The following LRRC4C variants were observed in gnomAD, a reference collection of about 807,000 sequenced individuals.
LRRC4C encodes leucine-rich repeat-containing protein 4C.
In LRRC4C, 5 loss-of-function variants were observed where a neutral mutation model predicts 33.6. That is an observed-to-expected ratio of 0.15 (90% CI 0.08 to 0.31). The LOEUF is 0.31. Among genes scored for constraint, LRRC4C ranks in the 10% least tolerant of loss-of-function variants. The pLI is 1.00. For synonymous variants in LRRC4C, 329 were observed against 302.0 expected, an observed-to-expected ratio of 1.09 and a Z score of -0.93; for missense variants, 560 against 796.7, an observed-to-expected ratio of 0.70 and a Z score of 3.58.
At chr11:40,636,000 C>T (rs1045769460) in intron 3 of LRRC4C, among the ~76,000 whole-genome samples, 1 of 152,058 alleles carries the variant, frequency 6.6e-6, no homozygotes, top group African/African-American at 2.4e-5. Context: ...GAAGGAACAA[C>T]ATAAGTAAAA....
chr11:40,916,771 A>G (rs1956980611), intron 2 of LRRC4C, among the ~76,000 whole-genome samples: 1 of 152,020 alleles, frequency 6.6e-6, no homozygotes, highest in South Asian at 2.1e-4. Context: ...GTAAGACACA[A>G]TGACTATTGA....
intron 5 of LRRC4C, among the ~76,000 whole-genome samples, chr11:40,184,503 T>C (rs1445405045): frequency 2.0e-5 from 3 of 152,014 alleles, no homozygotes; most frequent in Admixed American, 6.5e-5. Flanking sequence ...AATAAGGAAA[T>C]ACCAACAAGT....
intron 5 of LRRC4C, among the ~76,000 whole-genome samples, chr11:40,189,445 T>A (rs527253662): frequency 6.6e-6 from 1 of 152,300 alleles, no homozygotes; most frequent in South Asian, 2.1e-4. Flanking sequence ...TAGGAAGACC[T>A]GGGTTCATAC....
At chr11:41,090,206 G>T (rs867297542) in intron 1 of LRRC4C, among the ~76,000 whole-genome samples, 2 of 152,016 alleles carry the variant, frequency 1.3e-5, no homozygotes, top group Middle Eastern at 3.2e-3. Context: ...GAGTTATATA[G>T]GGAGAGATAT....
intron 1 of LRRC4C, among the ~76,000 whole-genome samples, chr11:41,184,693 C>A (rs11036278): frequency 0.17 from 25,668 of 151,964 alleles, 2,766 homozygotes; most frequent in East Asian, 0.38. Context: ...TTACCAAGTT[C>A]CAAAGTTGCT....
chr11:41,335,426 A>C (rs1951422374), intron 1 of LRRC4C, among the ~76,000 whole-genome samples: 1 of 152,174 alleles, frequency 6.6e-6, no homozygotes, highest in Admixed American at 6.6e-5. Context: ...ATGAAACTGT[A>C]AGATGTCAAA....
At chr11:40,575,471 G>A (rs538275861) in intron 3 of LRRC4C, among the ~76,000 whole-genome samples, 77 of 151,988 alleles carry the variant, frequency 5.1e-4, no homozygotes, top group East Asian at 2.9e-3. Flanking sequence ...AAAATCTCAC[G>A]GAAACTGGGA....
intron 3 of LRRC4C, among the ~76,000 whole-genome samples, chr11:40,550,934 T>C (rs1957106064): frequency 6.6e-6 from 1 of 152,240 alleles, no homozygotes; most frequent in East Asian, 1.9e-4. Context: ...GTTGATGGAT[T>C]CCATCAATTA....
intron 3 of LRRC4C, among the ~76,000 whole-genome samples, chr11:40,464,223 C>A (rs2138216388): frequency 6.6e-6 from 1 of 151,986 alleles, no homozygotes; most frequent in Non-Finnish European, 1.5e-5. Context: ...GAACTATAAA[C>A]AAAACCATAC....
intron 2 of LRRC4C, among the ~76,000 whole-genome samples, chr11:40,651,545 G>C (rs966851516): frequency 3.3e-4 from 50 of 152,132 alleles, no homozygotes; most frequent in African/African-American, 1.2e-3. Flanking sequence ...ATCTATTGGA[G>C]ATCCTCTATA....
intron 1 of LRRC4C, among the ~76,000 whole-genome samples, chr11:41,062,711 T>C (rs986878277): frequency 6.6e-6 from 1 of 152,160 alleles, no homozygotes; most frequent in African/African-American, 2.4e-5. Flanking sequence ...TGACATTGTT[T>C]GAAAATACGG....
chr11:40,984,964 C>T (rs190680220), intron 1 of LRRC4C, among the ~76,000 whole-genome samples: 39 of 121,954 alleles, frequency 3.2e-4, no homozygotes, highest in East Asian at 1.1e-3. Context: ...TGCAGTGGTG[C>T]GATCTCGGCT....
At chr11:40,473,070 A>C (rs996476699) in intron 3 of LRRC4C, among the ~76,000 whole-genome samples, 5 of 152,168 alleles carry the variant, frequency 3.3e-5, no homozygotes, top group Non-Finnish European at 4.4e-5. Context: ...ATTCCAAACA[A>C]AGAAAAACAG....
At chr11:40,560,401 G>T (rs973604170) in intron 3 of LRRC4C, among the ~76,000 whole-genome samples, 4 of 151,862 alleles carry the variant, frequency 2.6e-5, no homozygotes, top group African/African-American at 9.7e-5. Context: ...GAATTAGGTA[G>T]ATCCATTGAC....
At chr11:40,179,647 ACCCC>A (rs1487300032) in intron 5 of LRRC4C, among the ~76,000 whole-genome samples, 2 of 152,014 alleles carry the variant, frequency 1.3e-5, no homozygotes, top group African/African-American at 4.8e-5. Flanking sequence ...AGAGATCAGG[ACCCC>A]CGCATCCAGC....
intron 1 of LRRC4C, among the ~76,000 whole-genome samples, chr11:41,367,334 C>G (rs943922589): frequency 6.6e-6 from 1 of 152,026 alleles, no homozygotes; most frequent in African/African-American, 2.4e-5. Flanking sequence ...GTTTAAAACA[C>G]AGTAATCTCA....
intron 1 of LRRC4C, among the ~76,000 whole-genome samples, chr11:41,170,578 TC>T (rs1944929775): frequency 6.6e-6 from 1 of 152,178 alleles, no homozygotes; most frequent in Non-Finnish European, 1.5e-5. Flanking sequence ...CTGGATCCCT[TC>T]CTTACACCTT....
At chr11:40,447,818 G>GTGTTT (rs1236424775) in intron 3 of LRRC4C, among the ~76,000 whole-genome samples, 1 of 152,010 alleles carries the variant, frequency 6.6e-6, no homozygotes, top group East Asian at 1.9e-4. Context: ...TGTTTTGTTG[G>GTGTTT]TGTTTTGTTT....
chr11:40,448,031 G>A (rs1457084985), intron 3 of LRRC4C, among the ~76,000 whole-genome samples: 1 of 151,992 alleles, frequency 6.6e-6, no homozygotes, highest in Non-Finnish European at 1.5e-5. Flanking sequence ...TGGCCAAGCT[G>A]GTCTCGAACT....
Sources: gnomAD v4.1 joint callset for allele counts (sites outside exome capture counted in the v4.1 genomes callset) on GRCh38, gnomAD v4.1.1 for gene constraint, MANE v1.5 for transcripts, NCBI Gene and HGNC (gene_info 2026-07-23, HGNC 2026-07-21) for gene names.